The following PRDX5 variants were observed in gnomAD, a reference collection of about 807,000 sequenced individuals.
PRDX5 encodes peroxiredoxin 5, also known as peroxiredoxin-5, mitochondrial.
Under a neutral mutation model 23.8 loss-of-function variants are expected in PRDX5, and 21 were observed. The observed-to-expected ratio is 0.88, with a 90% confidence interval of 0.63 to 1.27. The LOEUF (loss-of-function observed/expected upper bound fraction) is 1.27. Ranked by LOEUF, PRDX5 falls within the 50% of genes most tolerant of loss-of-function variation. The probability of loss-of-function intolerance (pLI) is 0.00; values close to 1 mark genes in which losing one functional copy is unlikely to be tolerated. For synonymous variants in PRDX5, 111 were observed against 113.3 expected (o/e 0.98, Z 0.13); for missense variants, 261 against 270.6 (o/e 0.96, Z 0.25).
rs1319688173 is a variant in PRDX5, at chr11:64,319,745, C to T, written c.183C>T (p.Ala61=). The change falls in exon 2 of 6, where the codon GCC becomes GCT. Residue 61 remains alanine, a synonymous_variant. Coordinates refer to ENST00000265462, the MANE Select transcript of PRDX5 (RefSeq NM_012094.5). ...GTCCTTCCTTCTAGGTGGGAGATGC[C>T]ATCCCAGCAGTGGAGGTGTTTGAAG... ...AAMAPIKVGD[A]IPAVEVFEGE... is the part of the protein sequence containing the mutation. The T allele has an allele frequency of 6.2e-7, 1 of 1,613,754 alleles. No homozygotes were observed. Among genetic ancestry groups the T allele is most frequent in the Middle Eastern group, 1.7e-4 (1 of 6,038 alleles).
At chr11:64,319,713 C>T (rs760989447) in intron 1 of PRDX5, 21 bp from the exon 2 acceptor site, 5 of 1,610,932 alleles carry the variant, frequency 3.1e-6, no homozygotes, top group African/African-American at 1.3e-5. Flanking sequence ...ACCCCCCTTA[C>T]CCTGGAGTCC....
intron 1 of PRDX5, 68 bp from the exon 2 acceptor site, chr11:64,319,666 G>C: frequency 6.5e-7 from 1 of 1,543,726 alleles, no homozygotes. Flanking sequence ...CAGGCTCTCT[G>C]TTCACCTTCC....
chr11:64,320,818 C>T (rs377031954), intron 3 of PRDX5, 26 bp downstream of exon 3: 2 of 1,614,180 alleles, frequency 1.2e-6, no homozygotes, highest in Non-Finnish European at 1.7e-6. Context: ...TGCAGGGAGT[C>T]AGGACCAGGT....
chr11:64,320,339 A>G (rs1438524562), intron 2 of PRDX5, among the ~76,000 whole-genome samples: 2 of 152,164 alleles, frequency 1.3e-5, no homozygotes, highest in African/African-American at 2.4e-5. Flanking sequence ...AGTACCAGGA[A>G]TGTTGGAGAA....
chr11:64,321,504 C>A, intron 5 of PRDX5, 82 bp from the exon 6 acceptor site: 2 of 1,561,028 alleles, frequency 1.3e-6, no homozygotes, highest in South Asian at 1.2e-5. Flanking sequence ...TTCTCTTGGG[C>A]CCCTGGCTGT....
At position 64,319,831 on chromosome 11, in the gene PRDX5, T is replaced by G; in HGVS notation, c.269T>G (p.Phe90Cys). 6.2e-7 allele frequency: 1 copy of G among 1,614,162 alleles called. No individual in the cohort carries two copies. Among genetic ancestry groups the G allele is most frequent in the Non-Finnish European group, 8.5e-7 (1 of 1,180,010 alleles). Reference sequence around the variant, plus strand: ...TTCAAGGGCAAGAAGGGTGTGCTGTTTGGAGTTCCTGGGGCCTTCACCCCT... The same window carrying G: ...TTCAAGGGCAAGAAGGGTGTGCTGTGTGGAGTTCCTGGGGCCTTCACCCCT... The part of the protein sequence containing the change: ...ELFKGKKGVL[F>C]GVPGAFTPGC... The change falls in exon 2 of 6, where the codon TTT becomes TGT. Residue 90 changes from phenylalanine to cysteine, a missense_variant. Physicochemically the swap from Phe to Cys is radical, Grantham distance 205 (BLOSUM62 -2). Transcript: ENST00000265462.
chr11:64,320,666 C>T lies in PRDX5; in HGVS notation c.312C>T (p.His104=), dbSNP rs1327771311. ...GAFTPGCSKT[H]LPGFVEQAEA... ...CCTTTGTTCCCCTTCCTCAGACACA[C>T]CTGCCAGGGTTTGTGGAGCAGGCTG... The change falls in exon 3 of 6, where the codon CAC becomes CAT. Residue 104 remains histidine, a synonymous_variant. Transcript: ENST00000265462. The T allele has an allele frequency of 5.0e-6, 8 of 1,595,532 alleles. No individual in the cohort carries two copies. The African/African-American group carries it at 8.1e-5, about 16-fold the overall frequency.
In PRDX5 at chr11:64,318,129, G is replaced by A. The variant is rs1179944782; in HGVS notation, c.-87G>A. On this transcript the variant is annotated 5_prime_UTR_variant, in exon 1 of 6. Transcript: ENST00000265462. ...AGGCGGCCCAGGCCCGCCTTCCGCA[G>A]GGTGTCGCCGCTGTGCCGCTAGCGG... The A allele has an allele frequency of 1.9e-6, 3 of 1,559,634 alleles. No individual in the cohort carries two copies. Among genetic ancestry groups the A allele is most frequent in the Non-Finnish European group, 2.6e-6 (3 of 1,157,144 alleles).
At chr11:64,320,961 T>C (rs1565383510) in intron 4 of PRDX5, 46 bp from the exon 5 acceptor site, 1 of 1,614,076 alleles carries the variant, frequency 6.2e-7, no homozygotes, top group South Asian at 1.1e-5. Context: ...GTGGGGGCCC[T>C]TAGCCTCTTC....
At chr11:64,320,980 C>CT in intron 4 of PRDX5, 27 bp from the exon 5 acceptor site, 1 of 1,614,058 alleles carries the variant, frequency 6.2e-7, no homozygotes, top group Non-Finnish European at 8.5e-7. Flanking sequence ...TCAAGGATTT[C>CT]TGACACTTTT....
intron 2 of PRDX5, 34 bp from the exon 3 acceptor site, chr11:64,320,627 A>T: frequency 6.4e-7 from 1 of 1,556,138 alleles, no homozygotes; most frequent in Non-Finnish European, 8.7e-7. Context: ...AGATGCAGTT[A>T]TCCCTTTGCC....
rs770507349 is a variant in PRDX5 at position 64,318,394 on chromosome 11, C to G, written c.171+8C>G. The G allele has an allele frequency of 1.3e-6, 2 of 1,599,958 alleles. No individual in the cohort carries two copies. The highest frequency in any genetic ancestry group is 1.7e-6 in the Non-Finnish European group (2 of 1,174,602). On this transcript the variant is annotated splice_region_variant and intron_variant, in intron 1 of 5. Coordinates refer to ENST00000265462, the MANE Select transcript of PRDX5 (RefSeq NM_012094.5). ...GCCATGGCCCCAATCAAGGTGACCG[C>G]TGGCCCGGCCGGGCCTGACATCCCC...
intron 1 of PRDX5, among the ~76,000 whole-genome samples, chr11:64,318,602 GTTTT>G (rs970684493): frequency 2.6e-5 from 4 of 151,968 alleles, no homozygotes; most frequent in African/African-American, 7.2e-5. Context: ...TGTGTTTTTT[GTTTT>G]TTGTTTTTTT....
At chr11:64,318,802 G>A (rs936409998) in intron 1 of PRDX5, among the ~76,000 whole-genome samples, 34 of 150,608 alleles carry the variant, frequency 2.3e-4, no homozygotes, top group African/African-American at 7.9e-4. Context: ...TCACCCCGTT[G>A]TTCAGATTGG....
intron 1 of PRDX5, among the ~76,000 whole-genome samples, chr11:64,318,897 C>A (rs892228383): frequency 7.5e-6 from 1 of 133,318 alleles, no homozygotes; most frequent in Non-Finnish European, 1.6e-5. Flanking sequence ...GTGTGAGACA[C>A]CACTCCCGGC....
At chr11:64,319,682 C>T in intron 1 of PRDX5, 52 bp from the exon 2 acceptor site, 1 of 1,571,106 alleles carries the variant, frequency 6.4e-7, no homozygotes, top group South Asian at 1.2e-5. Context: ...CTTCCTGCCT[C>T]TGGTTTGCCC....
rs535656969 is a variant in PRDX5, at chr11:64,318,538, C to T, written c.171+152C>T. ...CCCTTCAGAAGGCCCTCGTGGCTGC[C>T]CACCTTTCTCGCCAATCGTGGGGGC... is the stretch of plus-strand genomic sequence containing the variant. On this transcript the variant is annotated intron_variant, in intron 1 of 5. Transcript: ENST00000265462. 1.8e-4 allele frequency: 185 copies of T among 1,020,538 alleles called. 2 individuals are homozygous for T. The South Asian group carries it at 2.7e-3, about 15-fold the overall frequency. 63.2% of individuals were successfully genotyped at this position (1,020,538 alleles called of 1,614,324 possible). A position where few individuals can be genotyped will look rare whatever the true frequency, so the allele number is the denominator to read the frequency against.
Position 64,321,037 on chromosome 11 carries a change from G to T in PRDX5, c.508G>T (p.Val170Leu). The T allele has an allele frequency of 6.2e-7, 1 of 1,614,108 alleles. No homozygotes were observed. The highest frequency in any genetic ancestry group is 8.5e-7 in the Non-Finnish European group (1 of 1,180,018). ...ETDLLLDDSLVSIFGNRRLKR... is the reference protein window; with the variant it reads ...ETDLLLDDSLLSIFGNRRLKR... ...AGACTTATTACTAGATGATTCGCTGGTGTCCATCTTTGGGAATCGACGTCT... is the reference window on the plus strand; with the variant it reads ...AGACTTATTACTAGATGATTCGCTGTTGTCCATCTTTGGGAATCGACGTCT... The change falls in exon 5 of 6, where the codon GTG becomes TTG. Residue 170 changes from valine to leucine, a missense_variant. Val to Leu is a conservative substitution (Grantham distance 32). Coordinates refer to ENST00000265462, the MANE Select transcript of PRDX5 (RefSeq NM_012094.5).
In PRDX5 at chr11:64,318,159, C is replaced by T. The variant is rs2035362026; in HGVS notation, c.-57C>T. ...TCGCCGCTGTGCCGCTAGCGGTGCC[C>T]CGCCTGCTGCGGTGGCACCAGCCAG... is the stretch of plus-strand genomic sequence containing the variant. On this transcript the variant is annotated 5_prime_UTR_variant, in exon 1 of 6. Transcript: ENST00000265462. 1.2e-6 allele frequency: 2 copies of T among 1,602,980 alleles called. No individual in the cohort carries two copies. The highest frequency in any genetic ancestry group is 1.1e-5 in the South Asian group (1 of 90,254).
Sources: gnomAD v4.1 joint callset for allele counts (sites outside exome capture counted in the v4.1 genomes callset) on GRCh38, gnomAD v4.1.1 for gene constraint, MANE v1.5 for transcripts, NCBI Gene and HGNC (gene_info 2026-07-23, HGNC 2026-07-21) for gene names.